The following CHD1L variants were observed in gnomAD, a reference collection of about 807,000 sequenced individuals.
CHD1L encodes the protein chromodomain helicase DNA binding protein 1 like.
A neutral mutation model predicts 115.9 loss-of-function variants in CHD1L; 118 were observed. The observed-to-expected ratio is 1.02, with a 90% CI of 0.88 to 1.19. The LOEUF is 1.19. Among genes scored for constraint, CHD1L ranks in the 50% most tolerant of loss-of-function variants. The probability of loss-of-function intolerance (pLI) is 0.00; values close to 1 mark genes in which losing one functional copy is unlikely to be tolerated. For synonymous variants in CHD1L, 411 were observed against 387.1 expected (o/e 1.06, Z -0.72); for missense variants, 1,179 against 1,065.3 (o/e 1.11, Z -1.49).
the CHD1L span, among the ~76,000 whole-genome samples, chr1:147,220,318 T>G: frequency 6.6e-6 from 1 of 152,186 alleles, no homozygotes; most frequent in Non-Finnish European, 1.5e-5. Context: ...AATGGAGAGA[T>G]ATTCTGATTC....
chr1:147,264,442 C>G lies in CHD1L; in HGVS notation c.597C>G (p.Leu199=), dbSNP rs1553946470. The change falls in exon 7 of 23, where the codon CTC becomes CTG. Residue 199 remains leucine, a synonymous_variant. Coordinates refer to ENST00000369258, the MANE Select transcript of CHD1L (RefSeq NM_004284.6). The part of the protein sequence containing the change: ...TLSEFSVVFS[L]LLTGTPIQNS... ...TTGAGTTCTCAGTAGTCTTCAGTCT[C>G]CTGTTGACCGGAACTCCCATCCAGA... 1.2e-6 allele frequency: 2 copies of G among 1,611,622 alleles called. No homozygotes were observed. The highest frequency in any genetic ancestry group is 3.3e-4 in the Middle Eastern group (2 of 6,058).
the CHD1L span, chr1:147,184,601 G>A: frequency 9.7e-6 from 15 of 1,547,784 alleles, no homozygotes; most frequent in South Asian, 1.2e-5. The surrounding 1 kb of genome is among the most constrained non-coding windows in gnomAD (Gnocchi z 4.4). Context: ...CTTCAACTTG[G>A]GTTTGTCTGA....
intron 1 of CHD1L, among the ~76,000 whole-genome samples, chr1:147,245,716 A>G (rs4950390): frequency 0.49 from 72,387 of 148,622 alleles, 18,092 homozygotes; most frequent in East Asian, 0.7. Flanking sequence ...TTTTGAGATA[A>G]GGTCTCACTC....
intron 2 of CHD1L, 126 bp downstream of exon 2, chr1:147,252,861 A>G: frequency 1.3e-6 from 1 of 753,074 alleles, no homozygotes; most frequent in Non-Finnish European, 2.2e-6. Context: ...GATCCAGGCT[A>G]ACTGGCTCTT....
chr1:147,236,911 C>T, the CHD1L span, among the ~76,000 whole-genome samples: 7 of 152,200 alleles, frequency 4.6e-5, no homozygotes. Flanking sequence ...TTCAGGCCCT[C>T]CCCAGCTTGA....
the CHD1L span, among the ~76,000 whole-genome samples, chr1:147,190,920 G>A: frequency 3.3e-5 from 5 of 151,920 alleles, no homozygotes; most frequent in African/African-American, 1.2e-4. Context: ...ACCTATGAGT[G>A]AGAACATGCG....
the CHD1L span, among the ~76,000 whole-genome samples, chr1:147,229,525 G>GT: frequency 2.6e-5 from 4 of 152,174 alleles, no homozygotes; most frequent in Non-Finnish European, 5.9e-5. Flanking sequence ...CTTTAAAGTA[G>GT]TTTTTTCCAG....
the CHD1L span, chr1:147,203,867 C>T: frequency 2.3e-4 from 370 of 1,581,442 alleles, 3 homozygotes; most frequent in Non-Finnish European, 6.9e-6. Flanking sequence ...CTGAGTATCT[C>T]CAACTTCTGA....
rs1684575241 is a variant in CHD1L at position 147,289,264 on chromosome 1, G to T, written c.2320+1531G>T. ...GGGAGAGAGGATGGAGAAATGAGAG[G>T]CAGAGAACAGACCTGGAAAACACCT... On this transcript the variant is annotated intron_variant, in intron 19 of 22. Coordinates refer to ENST00000369258, the MANE Select transcript of CHD1L (RefSeq NM_004284.6). 2.0e-5 allele frequency among the ~76,000 whole-genome samples: 3 copies of T among 152,144 alleles called. No homozygotes were observed. The South Asian group carries it at 6.2e-4, about 32-fold the overall frequency.
the CHD1L span, among the ~76,000 whole-genome samples, chr1:147,189,865 C>A: frequency 3.3e-5 from 5 of 152,146 alleles, no homozygotes; most frequent in Non-Finnish European, 5.9e-5. Context: ...ACTAGCACTT[C>A]AAGTAATCCT....
chr1:147,198,547 G>A, the CHD1L span, among the ~76,000 whole-genome samples: 1 of 152,118 alleles, frequency 6.6e-6, no homozygotes, highest in Admixed American at 6.5e-5. Flanking sequence ...GTATGGTAAA[G>A]ACTAGTGAAA....
rs781965410 is a variant in CHD1L at position 147,252,653 on chromosome 1, G to A, written c.158G>A (p.Gly53Glu). The A allele has an allele frequency of 6.2e-7, 1 of 1,614,086 alleles. No homozygotes were observed. The highest frequency in any genetic ancestry group is 2.2e-5 in the East Asian group (1 of 44,874). ...GIHLRSYQLE[G>E]VNWLAQRFHC... ...CACCTACGCTCTTACCAGCTGGAGG[G>A]AGTAAACTGGCTCGCCCAGCGCTTC... The change falls in exon 2 of 23, where the codon GGA becomes GAA. Residue 53 changes from glycine to glutamate, a missense_variant. Physicochemically the swap from Gly to Glu is moderately conservative, Grantham distance 98. Transcript: ENST00000369258.
At position 147,255,935 on chromosome 1, in the gene CHD1L, T is replaced by G; in HGVS notation, c.462+8T>G. ...CTACTGACTACCTATGAGGTATTCATTCGTTTCTCTATAGCGAGAACTCCT... is the reference window on the plus strand; with the variant it reads ...CTACTGACTACCTATGAGGTATTCAGTCGTTTCTCTATAGCGAGAACTCCT... On this transcript the variant is annotated splice_region_variant and intron_variant, in intron 4 of 22. Transcript: ENST00000369258. 6.3e-7 allele frequency: 1 copy of G among 1,578,870 alleles called. No homozygotes were observed. Among genetic ancestry groups the G allele is most frequent in the Non-Finnish European group, 8.7e-7 (1 of 1,149,656 alleles).
At chr1:147,259,984 G>A in intron 6 of CHD1L, 66 bp downstream of exon 6, 1 of 1,251,236 alleles carries the variant, frequency 8.0e-7, no homozygotes, top group Non-Finnish European at 1.1e-6. Context: ...TTATATTTTA[G>A]AGTAATTTTA....
intron 17 of CHD1L, 47 bp from the exon 18 acceptor site, chr1:147,286,251 A>G: frequency 6.3e-7 from 1 of 1,583,294 alleles, no homozygotes; most frequent in South Asian, 1.1e-5. Flanking sequence ...TCCAAGGGAA[A>G]TTGTGATTGT....
At chr1:147,259,624 G>C (rs587692209) in intron 5 of CHD1L, 1 of 426,794 alleles carries the variant, frequency 2.3e-6, no homozygotes, top group African/African-American at 2.0e-5. Flanking sequence ...TTCCCATTTT[G>C]TTAAAAAAAA....
At chr1:147,221,675 A>G in the CHD1L span, among the ~76,000 whole-genome samples, 3 of 152,210 alleles carry the variant, frequency 2.0e-5, no homozygotes, top group Admixed American at 1.3e-4. Flanking sequence ...CAAAAGTTCA[A>G]CGTTTACAAA....
the CHD1L span, chr1:147,187,188 C>G: frequency 6.2e-7 from 1 of 1,614,104 alleles, no homozygotes. Flanking sequence ...AATCAGCAAG[C>G]TCTTCCATGG....
the CHD1L span, chr1:147,208,619 A>C: frequency 2.7e-6 from 1 of 368,102 alleles, no homozygotes; most frequent in African/African-American, 2.1e-5. Flanking sequence ...TTGTGTTTTT[A>C]GTAGAGATGG....
Sources: allele counts gnomAD v4.1 joint callset (sites outside exome capture counted in the v4.1 genomes callset), GRCh38; gene constraint gnomAD v4.1.1; non-coding constraint Gnocchi (gnomAD v3.1); transcripts MANE v1.5; gene names NCBI Gene and HGNC (gene_info 2026-07-23, HGNC 2026-07-21).